COLEC11: variants seen among roughly 807,000 people sequenced by gnomAD.
COLEC11 encodes the protein collectin subfamily member 11.
In COLEC11, 20 loss-of-function variants were observed where a neutral mutation model predicts 27.3. That is an observed-to-expected ratio of 0.73 (90% CI 0.51 to 1.06). The LOEUF is 1.06. COLEC11 is among the 50% of genes least tolerant of loss of function. COLEC11 has a pLI of 0.00. For missense variants in COLEC11, 310 were observed against 383.0 expected, an observed-to-expected ratio of 0.81 and a Z score of 1.59; for synonymous variants, 163 against 154.7, an observed-to-expected ratio of 1.05 and a Z score of -0.40.
At chr2:3,603,288 C>T (rs1572386488) in intron 1 of COLEC11, 1 of 180,682 alleles carries the variant, frequency 5.5e-6, no homozygotes, top group East Asian at 1.5e-4. Context: ...TTTCCATTGC[C>T]CTCTTTGTTT....
chr2:3,605,749 G>T (rs1409019890), intron 2 of COLEC11: 4 of 230,558 alleles, frequency 1.7e-5, no homozygotes, highest in Admixed American at 1.0e-4. Context: ...TCAAACCCAT[G>T]ATCAAAACAG....
chr2:3,600,233 T>TC (rs1401099713), intron 1 of COLEC11, among the ~76,000 whole-genome samples: 1 of 97,860 alleles, frequency 1.0e-5, no homozygotes, highest in Admixed American at 1.2e-4. Context: ...AGACTCTGTC[T>TC]CAAAAAAAAA....
intron 3 of COLEC11, among the ~76,000 whole-genome samples, chr2:3,614,480 G>A (rs1310045882): frequency 6.6e-6 from 1 of 152,094 alleles, no homozygotes; most frequent in Non-Finnish European, 1.5e-5. Context: ...CGTGCAATCA[G>A]TTTTGACCAT....
chr2:3,627,561 A>C (rs1293291296), intron 3 of COLEC11, among the ~76,000 whole-genome samples: 1 of 150,264 alleles, frequency 6.7e-6, no homozygotes, highest in Non-Finnish European at 1.5e-5. Flanking sequence ...ACTGGGCATG[A>C]TGACGGTCTG....
At chr2:3,628,906 G>A (rs1488920547) in intron 3 of COLEC11, among the ~76,000 whole-genome samples, 3 of 152,204 alleles carry the variant, frequency 2.0e-5, no homozygotes, top group Non-Finnish European at 2.9e-5. Flanking sequence ...GGGCTGTGGC[G>A]TTCGTGCCCA....
chr2:3,614,497 C>T (rs751526445), intron 3 of COLEC11, among the ~76,000 whole-genome samples: 24 of 152,116 alleles, frequency 1.6e-4, no homozygotes, highest in African/African-American at 2.9e-4. Flanking sequence ...CCATTGCCCT[C>T]GCCCGTACCC....
intron 3 of COLEC11, among the ~76,000 whole-genome samples, chr2:3,627,273 G>A (rs1261839248): frequency 1.4e-5 from 2 of 144,186 alleles, no homozygotes; most frequent in Admixed American, 6.8e-5. Context: ...CGCTGGTCAC[G>A]ATGCTGTGCA....
chr2:3,606,992 C>T (rs1572396722), intron 2 of COLEC11, among the ~76,000 whole-genome samples: 1 of 152,186 alleles, frequency 6.6e-6, no homozygotes, highest in Non-Finnish European at 1.5e-5. Context: ...ATGAAGAAGC[C>T]GCGGCCTGTC....
intron 3 of COLEC11, among the ~76,000 whole-genome samples, chr2:3,614,988 A>G (rs916289998): frequency 2.0e-5 from 3 of 152,196 alleles, no homozygotes; most frequent in African/African-American, 4.8e-5. Context: ...AGAATTCTAC[A>G]CCCAGCTAAA....
At chr2:3,598,758 CG>C (rs1418970877) in intron 1 of COLEC11, among the ~76,000 whole-genome samples, 1 of 149,620 alleles carries the variant, frequency 6.7e-6, no homozygotes, top group African/African-American at 2.5e-5. Context: ...GCCGTGGGTG[CG>C]GGGTGTGGAG....
chr2:3,642,498 A>G (rs1037404491), intron 5 of COLEC11, among the ~76,000 whole-genome samples: 3 of 152,074 alleles, frequency 2.0e-5, no homozygotes, highest in African/African-American at 7.2e-5. Flanking sequence ...CAGGACAGAC[A>G]CCGGCTTCAT....
At chr2:3,639,241 T>C (rs1314607179) in intron 4 of COLEC11, among the ~76,000 whole-genome samples, 3 of 152,270 alleles carry the variant, frequency 2.0e-5, no homozygotes, top group Non-Finnish European at 4.4e-5. Context: ...CTGTTGCCTT[T>C]TGTGAATAAC....
intron 3 of COLEC11, among the ~76,000 whole-genome samples, chr2:3,626,892 G>A (rs1360401302): frequency 1.3e-5 from 2 of 152,114 alleles, no homozygotes; most frequent in Non-Finnish European, 2.9e-5. Context: ...CCCAGGGGGC[G>A]CAGATGGGCT....
chr2:3,638,725 G>C (rs1350102868), intron 4 of COLEC11, among the ~76,000 whole-genome samples: 1 of 152,226 alleles, frequency 6.6e-6, no homozygotes, highest in Non-Finnish European at 1.5e-5. Flanking sequence ...CACCTTCCCT[G>C]CCACGGCCAA....
chr2:3,606,495 C>G (rs951933575), intron 2 of COLEC11, among the ~76,000 whole-genome samples: 6 of 152,208 alleles, frequency 3.9e-5, no homozygotes, highest in Non-Finnish European at 7.3e-5. Context: ...CCTCGGCCTC[C>G]TGGTCCGTGA....
intron 3 of COLEC11, among the ~76,000 whole-genome samples, chr2:3,616,408 G>A (rs930801067): frequency 1.3e-4 from 20 of 152,040 alleles, no homozygotes; most frequent in African/African-American, 4.8e-4. Context: ...CAAGGCAGGC[G>A]GCTGGGAGGT....
At chr2:3,640,353 G>A (rs1166918495) in intron 5 of COLEC11, 22 bp downstream of exon 5, 3 of 1,430,596 alleles carry the variant, frequency 2.1e-6, no homozygotes, top group Admixed American at 1.7e-5. Context: ...AGGGTCCAAG[G>A]ATTTTTAATA....
intron 3 of COLEC11, among the ~76,000 whole-genome samples, chr2:3,628,213 G>C (rs1174022328): frequency 6.7e-6 from 1 of 148,348 alleles, no homozygotes; most frequent in Non-Finnish European, 1.5e-5. Context: ...TATGGCCAAG[G>C]GCCCCCCATC....
chr2:3,626,163 T>G, intron 3 of COLEC11: 2 of 1,235,648 alleles, frequency 1.6e-6, no homozygotes, highest in Non-Finnish European at 2.4e-6. Flanking sequence ...GCAACCACTC[T>G]TCCCATGGCC....
Sources: gnomAD v4.1 joint callset for allele counts (sites outside exome capture counted in the v4.1 genomes callset) on GRCh38, gnomAD v4.1.1 for gene constraint, MANE v1.5 for transcripts, NCBI Gene and HGNC (gene_info 2026-07-23, HGNC 2026-07-21) for gene names.